The following SH3GL1 variants were observed in gnomAD, a reference collection of about 807,000 sequenced individuals.
SH3GL1 encodes endophilin-A2.
SH3GL1 carries 21 observed loss-of-function variants against 48.8 expected under a neutral mutation model. That is an observed-to-expected ratio of 0.43 (90% CI 0.30 to 0.62). The LOEUF (loss-of-function observed/expected upper bound fraction) is 0.62. SH3GL1 is among the 20% of genes least tolerant of loss of function. The pLI is 0.11. For missense variants in SH3GL1, 454 were observed against 503.0 expected (o/e 0.90, Z 0.93); for synonymous variants, 282 against 217.5 (o/e 1.30, Z -2.61).
intron 1 of SH3GL1, among the ~76,000 whole-genome samples, chr19:4,372,151 A>C (rs1972915571): frequency 6.6e-6 from 1 of 152,218 alleles, no homozygotes; most frequent in South Asian, 2.1e-4. Context: ...GCCCCAGGAC[A>C]AAGCATGGGT....
At chr19:4,395,540 C>T (rs1343822108) in intron 1 of SH3GL1, 1 of 152,182 alleles carries the variant, frequency 6.6e-6, no homozygotes, top group Non-Finnish European at 1.5e-5. Flanking sequence ...AATACAGGTG[C>T]TCACCTTTTG....
intron 7 of SH3GL1, 27 bp downstream of exon 7, chr19:4,363,343 C>T (rs1462665092): frequency 1.9e-6 from 3 of 1,558,196 alleles, no homozygotes; most frequent in East Asian, 4.8e-5. Context: ...AGCCCAGACT[C>T]TGGAGAGACC....
rs370190895 is a variant in SH3GL1, at chr19:4,361,810, C to T, written c.911-14G>A. On this transcript the variant is annotated splice_polypyrimidine_tract_variant and intron_variant, in intron 9 of 9. Coordinates refer to ENST00000269886, the MANE Select transcript of SH3GL1 (RefSeq NM_003025.4). ...GGTCCAGGGGCGCTGGGGGCGGGAG[C>T]GGGCTGTGGGGCTGGGGCTGCTACG... 67 of 1,588,704 alleles carry T rather than the reference C, an allele frequency of 4.2e-5. No individual in the cohort carries two copies. The highest frequency in any genetic ancestry group is 3.6e-4 in the African/African-American group (27 of 74,694).
rs115516342 is a variant in SH3GL1 at position 4,361,702 on chromosome 19, C to G, written c.1005G>C (p.Leu335=). The stretch of plus-strand genomic sequence containing the variant: ...ACCAGTTCTCATCGATCTGGTTGGT[C>G]AGCGTGATGACGTCGCCCTCATGGA... ...LGFHEGDVIT[L]TNQIDENWYE... is the part of the protein sequence containing the mutation. Residue 335 remains leucine, a synonymous_variant, in exon 10 of 10, where the codon CTG becomes CTC. Coordinates refer to ENST00000269886, the MANE Select transcript of SH3GL1 (RefSeq NM_003025.4). 1,603 of 1,613,324 alleles carry G rather than the reference C, an allele frequency of 9.9e-4. 24 individuals carry two copies. The African/African-American group carries it at 0.018, about 19-fold the overall frequency.
At chr19:4,366,006 T>G (rs1972769408) in intron 3 of SH3GL1, among the ~76,000 whole-genome samples, 2 of 152,162 alleles carry the variant, frequency 1.3e-5, no homozygotes, top group Non-Finnish European at 2.9e-5. Context: ...CGCTGCCCGC[T>G]TGGGTCTGCT....
At chr19:4,371,407 G>A (rs748333716) in intron 1 of SH3GL1, among the ~76,000 whole-genome samples, 19 of 152,232 alleles carry the variant, frequency 1.2e-4, no homozygotes, top group Non-Finnish European at 2.5e-4. Flanking sequence ...GAATCCTGCC[G>A]AGTGGAGCTG....
At chr19:4,379,223 G>A (rs901531991) in intron 1 of SH3GL1, among the ~76,000 whole-genome samples, 4 of 152,080 alleles carry the variant, frequency 2.6e-5, no homozygotes, top group African/African-American at 9.7e-5. Flanking sequence ...AGGAGGTCAA[G>A]GAAGCAGATC....
At position 4,363,407 on chromosome 19, in the gene SH3GL1, G is replaced by C. The variant is rs1972678809; in HGVS notation, c.691C>G (p.Gln231Glu). 1 of 1,611,330 alleles carries C rather than the reference G, an allele frequency of 6.2e-7. No homozygotes were observed. Among genetic ancestry groups the C allele is most frequent in the South Asian group, 1.1e-5 (1 of 90,680 alleles). Residue 231 changes from glutamine (Q) to glutamate (E), a missense_variant, in exon 7 of 10, where the codon CAG (glutamine) becomes GAG (glutamate). By Grantham distance (29) the Gln-to-Glu change is conservative. Around this residue, in one of 2 missense-constraint regions of SH3GL1, gnomAD observed 278 missense variants for 246.8 expected, o/e 1.13. Coordinates refer to ENST00000269886, the MANE Select transcript of SH3GL1 (RefSeq NM_003025.4). ...TTCTCCGCCAGCTCGTCCAGGATCT[G>C]CACGGCCTGCCGGTGGTAGTCCAGC... ...AQLDYHRQAV[Q>E]ILDELAEKLK...
rs375250305 is a variant in SH3GL1 at position 4,400,215 on chromosome 19, C to A, written c.45+109G>T. 8.2e-7 allele frequency: 1 copy of A among 1,216,476 alleles called. No homozygotes were observed. Among genetic ancestry groups the A allele is most frequent in the South Asian group, 1.4e-5 (1 of 72,028 alleles). The allele number at this position is 1,216,476 out of a possible 1,614,324, so 75.4% of individuals were successfully genotyped here. A position where few individuals can be genotyped will look rare whatever the true frequency, so the allele number is the denominator to read the frequency against. ...CCACCTGGCAGGGGACACGCGCCAA[C>A]GTCCCCACCTCGGTCCCCCCGGCCC... is the stretch of plus-strand genomic sequence containing the variant. On this transcript the variant is annotated intron_variant, in intron 1 of 9. Coordinates refer to ENST00000269886, the MANE Select transcript of SH3GL1 (RefSeq NM_003025.4). This position sits in a 1 kb window ranked among gnomAD's most constrained non-coding sequence, Gnocchi z 4.1.
intron 1 of SH3GL1, among the ~76,000 whole-genome samples, chr19:4,395,017 C>G (rs1355604550): frequency 6.6e-6 from 1 of 152,278 alleles, no homozygotes; most frequent in Non-Finnish European, 1.5e-5. Flanking sequence ...CTGATGGGCG[C>G]GTGCCCCTCC....
rs540341621 is a variant in SH3GL1, at chr19:4,368,853, T to C, written c.46-1859A>G. On this transcript the variant is annotated intron_variant, in intron 1 of 9. Coordinates refer to ENST00000269886, the MANE Select transcript of SH3GL1 (RefSeq NM_003025.4). ...TTGGGAGGCTGAGGCAGGCGGATCATGAGGTCAGGAGATCGAGACCATCCT... is the reference window on the plus strand; with the variant it reads ...TTGGGAGGCTGAGGCAGGCGGATCACGAGGTCAGGAGATCGAGACCATCCT... Among the ~76,000 whole-genome samples the C allele has an allele frequency of 2.2e-3, 337 of 152,166 alleles. 1 individual carries two copies. The highest frequency in any genetic ancestry group is 7.9e-3 in the African/African-American group (327 of 41,534).
Position 4,367,049 on chromosome 19 carries a change from G to A in SH3GL1, c.46-55C>T. 6.5e-7 allele frequency: 1 copy of A among 1,542,862 alleles called. No individual in the cohort carries two copies. The highest frequency in any genetic ancestry group is 1.1e-5 in the South Asian group (1 of 89,608). On this transcript the variant is annotated intron_variant, in intron 1 of 9. Transcript: ENST00000269886. The surrounding 1 kb of genome is among the most constrained non-coding windows in gnomAD (Gnocchi z 4.2). ...AGCCCAGGGGTAGGAGGAAGAAGAG[G>A]ACAGGAGGCCCTGAGCCGCCTTCCA...
rs921632413 is a variant in SH3GL1, at chr19:4,389,854, A to C, written c.45+10470T>G. Among the ~76,000 whole-genome samples, 1 of 152,220 alleles carries C rather than the reference A, an allele frequency of 6.6e-6. No homozygotes were observed. The highest frequency in any genetic ancestry group is 2.4e-5 in the African/African-American group (1 of 41,458). Reference sequence around the variant, plus strand: ...GGAATAATCACTCCCATTGGCATGAAACCATGTGGGGAGCTGTCCACTTGG... The same window carrying C: ...GGAATAATCACTCCCATTGGCATGACACCATGTGGGGAGCTGTCCACTTGG... On this transcript the variant is annotated intron_variant, in intron 1 of 9. Transcript: ENST00000269886. The surrounding 1 kb of genome is among the most constrained non-coding windows in gnomAD (Gnocchi z 4.5).
chr19:4,383,254 AC>A (rs1202815715), intron 1 of SH3GL1, among the ~76,000 whole-genome samples: 7 of 146,494 alleles, frequency 4.8e-5, no homozygotes, highest in Non-Finnish European at 8.9e-5. Flanking sequence ...TTGCTCTGTC[AC>A]CCAGGCTAGA....
intron 1 of SH3GL1, among the ~76,000 whole-genome samples, chr19:4,394,306 C>T (rs1422217961): frequency 6.6e-6 from 1 of 152,092 alleles, no homozygotes; most frequent in East Asian, 1.9e-4. Flanking sequence ...GAGCAGCTCT[C>T]GCTAGCGGCA....
intron 1 of SH3GL1, among the ~76,000 whole-genome samples, chr19:4,381,131 CCCCCTGCCTCTCTGTT>C (rs1337301144): frequency 2.5e-5 from 3 of 120,162 alleles, no homozygotes; most frequent in African/African-American, 6.5e-5. Context: ...CTCTCTCTAT[CCCCCTGCCTCTCTGTT>C]CCCCTGCCTC....
At chr19:4,369,822 G>T (rs1972859679) in intron 1 of SH3GL1, among the ~76,000 whole-genome samples, 1 of 152,250 alleles carries the variant, frequency 6.6e-6, no homozygotes, top group African/African-American at 2.4e-5. Context: ...GTCCCCCACG[G>T]GCCAGGCACT....
chr19:4,367,032 G>A lies in SH3GL1; in HGVS notation c.46-38C>T, dbSNP rs775656835. The stretch of plus-strand genomic sequence containing the variant: ...AGAGGGGAAACGCTGTGAGCCCAGG[G>A]GTAGGAGGAAGAAGAGGACAGGAGG... On this transcript the variant is annotated intron_variant, in intron 1 of 9. Transcript: ENST00000269886. This position sits in a 1 kb window ranked among gnomAD's most constrained non-coding sequence, Gnocchi z 4.2. 6.3e-7 allele frequency: 1 copy of A among 1,597,452 alleles called. No homozygotes were observed. Among genetic ancestry groups the A allele is most frequent in the Non-Finnish European group, 8.6e-7 (1 of 1,164,920 alleles).
At chr19:4,371,955 G>A (rs932504015) in intron 1 of SH3GL1, among the ~76,000 whole-genome samples, 2 of 152,222 alleles carry the variant, frequency 1.3e-5, no homozygotes, top group African/African-American at 2.4e-5. Context: ...CAACCGCAGC[G>A]AATACCTGTG....
Sources: gnomAD v4.1 joint callset for allele counts (sites outside exome capture counted in the v4.1 genomes callset) on GRCh38, gnomAD v4.1.1 for gene constraint, gnomAD v4.1.1 regional missense constraint, Gnocchi (gnomAD v3.1) non-coding constraint, MANE v1.5 for transcripts, NCBI Gene and HGNC (gene_info 2026-07-23, HGNC 2026-07-21) for gene names.